The following LPP variants were observed in gnomAD, a reference collection of about 807,000 sequenced individuals.
LPP encodes lipoma-preferred partner.
A neutral mutation model predicts 60.4 loss-of-function variants in LPP; 38 were observed. The observed-to-expected ratio is 0.63, with a 90% CI of 0.49 to 0.83. LPP has a LOEUF of 0.83. Among genes scored for constraint, LPP ranks in the 40% least tolerant of loss-of-function variants. The pLI, the probability that LPP is intolerant of heterozygous loss-of-function variation, is 0.00. For missense variants in LPP, 902 were observed against 783.6 expected (o/e 1.15, Z -1.80); for synonymous variants, 328 against 290.8 (o/e 1.13, Z -1.30).
intron 7 of LPP, among the ~76,000 whole-genome samples, chr3:188,686,577 A>T (rs78982642): frequency 0.011 from 1,729 of 152,316 alleles, 21 homozygotes; most frequent in African/African-American, 0.039. Context: ...TCTGTGGCAT[A>T]TTCTAACCAT....
intron 8 of LPP, among the ~76,000 whole-genome samples, chr3:188,719,423 A>G (rs1560111096): frequency 6.6e-6 from 1 of 152,214 alleles, no homozygotes; most frequent in Non-Finnish European, 1.5e-5. Context: ...GGTGTTTCAT[A>G]CCGTCTTGAT....
chr3:188,221,630 C>T (rs937193965), intron 1 of LPP, among the ~76,000 whole-genome samples: 3 of 152,178 alleles, frequency 2.0e-5, no homozygotes, highest in Non-Finnish European at 4.4e-5. Flanking sequence ...GGTCTGATAT[C>T]AGCTAGTTAA....
At chr3:188,497,538 C>A (rs1810600671) in intron 5 of LPP, among the ~76,000 whole-genome samples, 1 of 152,164 alleles carries the variant, frequency 6.6e-6, no homozygotes, top group Non-Finnish European at 1.5e-5. Context: ...GAATGAGAAA[C>A]TATCCCCTGA....
intron 2 of LPP, among the ~76,000 whole-genome samples, chr3:188,311,892 A>G (rs1753582119): frequency 6.6e-6 from 1 of 152,062 alleles, no homozygotes; most frequent in East Asian, 1.9e-4. Flanking sequence ...TCCTGCCTCG[A>G]CTTCCCAAAG....
chr3:188,513,474 A>G (rs911010649), intron 5 of LPP, among the ~76,000 whole-genome samples: 79 of 152,040 alleles, frequency 5.2e-4, no homozygotes, highest in African/African-American at 1.9e-3. Context: ...GGGGGTGCCA[A>G]ATATCTATTT....
At chr3:188,199,420 AC>A (rs1730425497) in intron 1 of LPP, among the ~76,000 whole-genome samples, 1 of 152,034 alleles carries the variant, frequency 6.6e-6, no homozygotes, top group Non-Finnish European at 1.5e-5. Context: ...GGAAAATACA[AC>A]GGAGGCTCCT....
chr3:188,800,918 TG>T, intron 9 of LPP, among the ~76,000 whole-genome samples: 1 of 152,288 alleles, frequency 6.6e-6, no homozygotes, highest in East Asian at 1.9e-4. Context: ...ATTAGTGTAT[TG>T]GTAGTTATAT....
intron 1 of LPP, among the ~76,000 whole-genome samples, chr3:188,203,407 T>TA (rs1384152252): frequency 1.9e-5 from 1 of 53,788 alleles, no homozygotes. Flanking sequence ...TATATTTTTA[T>TA]AAATATATAT....
intron 6 of LPP, among the ~76,000 whole-genome samples, chr3:188,532,759 A>G (rs1056412096): frequency 1.3e-5 from 2 of 152,178 alleles, no homozygotes; most frequent in African/African-American, 2.4e-5. Flanking sequence ...AGTATTCTCA[A>G]GCTACAAGAA....
chr3:188,360,737 A>T (rs1769043686), intron 3 of LPP, among the ~76,000 whole-genome samples: 1 of 152,208 alleles, frequency 6.6e-6, no homozygotes, highest in African/African-American at 2.4e-5. Context: ...CTTTTATTAG[A>T]TAAGAGAGAC....
chr3:188,452,045 G>A (rs902733661), intron 4 of LPP, among the ~76,000 whole-genome samples: 5 of 152,134 alleles, frequency 3.3e-5, no homozygotes, highest in Non-Finnish European at 7.4e-5. Flanking sequence ...TTTTCAGAGA[G>A]AAACAGCCGT....
At chr3:188,605,483 A>C (rs528790739) in intron 6 of LPP, among the ~76,000 whole-genome samples, 58 of 152,124 alleles carry the variant, frequency 3.8e-4, no homozygotes, top group Non-Finnish European at 6.2e-4. Context: ...TGAGTCTGAA[A>C]AGCATATGAG....
In LPP at chr3:188,609,351, C is replaced by T. The variant is rs142287153; in HGVS notation, c.620C>T (p.Pro207Leu). The change falls in exon 7 of 12, where the codon CCA becomes CTA. Residue 207 changes from proline to leucine, a missense_variant. By Grantham distance (98) the Pro-to-Leu change is moderately conservative (BLOSUM62 -3). Transcript: ENST00000617246. The surrounding 1 kb of genome is among the most constrained non-coding windows in gnomAD (Gnocchi z 6.9). ...GTLKPQPQPV[P>L]ASYTTASTSS... ...CTCAAACCCCAGCCTCAGCCAGTCC[C>T]AGCCTCCTACACCACGGCCTCCACT... 1,285 of 1,614,144 alleles carry T rather than the reference C, an allele frequency of 8.0e-4. 2 individuals carry two copies. The highest frequency in any genetic ancestry group is 1.0e-3 in the Non-Finnish European group (1,196 of 1,180,036).
At chr3:188,564,238 T>G (rs1340972825) in intron 6 of LPP, among the ~76,000 whole-genome samples, 1 of 151,998 alleles carries the variant, frequency 6.6e-6, no homozygotes, top group African/African-American at 2.4e-5. Context: ...ACTCCTTCTT[T>G]CCACCATTCG....
chr3:188,595,863 G>A (rs530414695), intron 6 of LPP, among the ~76,000 whole-genome samples: 19 of 152,170 alleles, frequency 1.2e-4, no homozygotes, highest in South Asian at 1.2e-3. Flanking sequence ...GCAGAAAATC[G>A]AGAAGGGAGC....
chr3:188,479,936 T>A (rs373601592), intron 4 of LPP, among the ~76,000 whole-genome samples: 1 of 152,318 alleles, frequency 6.6e-6, no homozygotes. Context: ...GCAGGTAAAT[T>A]CTTGTTATCT....
At chr3:188,695,526 G>A (rs571734162) in intron 7 of LPP, among the ~76,000 whole-genome samples, 35 of 152,304 alleles carry the variant, frequency 2.3e-4, no homozygotes, top group African/African-American at 7.9e-4. Flanking sequence ...TCAAATATTA[G>A]CACATGCCAT....
chr3:188,759,961 C>T, intron 8 of LPP, 152 bp from the exon 9 acceptor site: 1 of 631,538 alleles, frequency 1.6e-6, no homozygotes, highest in Non-Finnish European at 2.8e-6. Flanking sequence ...GGTGATCTTG[C>T]TGGGGTAATG....
intron 9 of LPP, among the ~76,000 whole-genome samples, chr3:188,847,820 A>C (rs75683977): frequency 6.6e-6 from 1 of 152,348 alleles, no homozygotes; most frequent in Non-Finnish European, 1.5e-5. Context: ...AATGTGAAAT[A>C]ACTGGGTAAT....
Sources: gnomAD v4.1 joint callset for allele counts (sites outside exome capture counted in the v4.1 genomes callset) on GRCh38, gnomAD v4.1.1 for gene constraint, Gnocchi (gnomAD v3.1) non-coding constraint, MANE v1.5 for transcripts, NCBI Gene and HGNC (gene_info 2026-07-23, HGNC 2026-07-21) for gene names.